The following DOP1A variants were observed in gnomAD, a reference collection of about 807,000 sequenced individuals.
DOP1A encodes the protein protein DOP1A.
In DOP1A, 90 loss-of-function variants were observed where a neutral mutation model predicts 267.6. The observed-to-expected ratio is 0.34, with a 90% CI of 0.28 to 0.40. The LOEUF is 0.40. Among genes scored for constraint, DOP1A ranks in the 10% least tolerant of loss-of-function variants. DOP1A has a pLI of 1.00. For missense variants in DOP1A, 2,437 were observed against 2,900.4 expected, an observed-to-expected ratio of 0.84 and a Z score of 3.67; for synonymous variants, 932 against 999.1, an observed-to-expected ratio of 0.93 and a Z score of 1.27.
At chr6:83,169,241 C>T (rs1360742318), downstream of DOP1A, 1 of 1,613,994 alleles carries the variant, frequency 6.2e-7, no homozygotes. Context: ...TCTTCAGAAA[C>T]CTGGTTGGGG....
intron 27 of DOP1A, among the ~76,000 whole-genome samples, chr6:83,149,313 C>T (rs1781149297): frequency 6.6e-6 from 1 of 152,134 alleles, no homozygotes; most frequent in Non-Finnish European, 1.5e-5. Flanking sequence ...AAATGTTAGT[C>T]ACCTATGACT....
At chr6:83,153,350 T>C in intron 30 of DOP1A, 161 bp from the exon 31 acceptor site, 1 of 462,762 alleles carries the variant, frequency 2.2e-6, no homozygotes, top group Non-Finnish European at 3.7e-6. Context: ...AAAAAGCAGA[T>C]GGTGGCAAAA....
chr6:83,082,617 A>T (rs989986755), intron 1 of DOP1A, among the ~76,000 whole-genome samples: 6 of 152,168 alleles, frequency 3.9e-5, no homozygotes, highest in Non-Finnish European at 7.3e-5. Context: ...GTTAATGATG[A>T]TATGTTCTTG....
At chr6:83,102,911 G>C (rs185066629) in intron 4 of DOP1A, among the ~76,000 whole-genome samples, 124 of 152,226 alleles carry the variant, frequency 8.1e-4, no homozygotes, top group African/African-American at 2.5e-3. Flanking sequence ...CAGGTCCACA[G>C]GTCTCTTTGC....
At chr6:83,109,110 T>C (rs1251819331) in intron 5 of DOP1A, 30 bp downstream of exon 5, 15 of 1,594,572 alleles carry the variant, frequency 9.4e-6, no homozygotes, top group Non-Finnish European at 1.1e-5. Flanking sequence ...AGTTATGTAA[T>C]TGAAGTCATG....
At chr6:83,144,598 G>A (rs1413296891) in intron 24 of DOP1A, among the ~76,000 whole-genome samples, 1 of 152,026 alleles carries the variant, frequency 6.6e-6, no homozygotes, top group Non-Finnish European at 1.5e-5. Context: ...CATTGGATAT[G>A]GATTTAAATA....
intron 3 of DOP1A, among the ~76,000 whole-genome samples, chr6:83,099,744 A>G (rs1269206080): frequency 6.6e-6 from 1 of 151,348 alleles, no homozygotes; most frequent in Non-Finnish European, 1.5e-5. Context: ...ACACGTATAC[A>G]TATATATACA....
intron 4 of DOP1A, among the ~76,000 whole-genome samples, chr6:83,107,834 G>T (rs116961210): frequency 2.0e-5 from 3 of 152,332 alleles, no homozygotes; most frequent in East Asian, 3.9e-4. Flanking sequence ...AGCATAGAAA[G>T]TTCCGAAAGG....
intron 4 of DOP1A, among the ~76,000 whole-genome samples, chr6:83,101,629 T>G (rs1373362463): frequency 6.6e-6 from 1 of 152,196 alleles, no homozygotes; most frequent in Non-Finnish European, 1.5e-5. Context: ...TCTTTCCTCC[T>G]CTACCCAAAC....
intron 5 of DOP1A, among the ~76,000 whole-genome samples, chr6:83,109,708 G>A (rs991757862): frequency 1.3e-5 from 2 of 152,114 alleles, no homozygotes; most frequent in Non-Finnish European, 2.9e-5. Flanking sequence ...ATATTTGTAG[G>A]CAATGCATGA....
At chr6:83,085,227 T>C (rs1298304513) in intron 1 of DOP1A, among the ~76,000 whole-genome samples, 2 of 152,224 alleles carry the variant, frequency 1.3e-5, no homozygotes, top group African/African-American at 4.8e-5. Flanking sequence ...AGTTCATTTA[T>C]TCAGATTATA....
At chr6:83,076,174 A>C (rs1767053000) in intron 1 of DOP1A, among the ~76,000 whole-genome samples, 1 of 152,210 alleles carries the variant, frequency 6.6e-6, no homozygotes, top group South Asian at 2.1e-4. Flanking sequence ...AAATGGGCCA[A>C]GGACTTAAAT....
chr6:83,165,576 A>C (rs1785280779), intron 38 of DOP1A: 1 of 176,352 alleles, frequency 5.7e-6, no homozygotes, highest in Non-Finnish European at 1.2e-5. Context: ...TGTAGCATAA[A>C]AATCCATGCT....
intron 37 of DOP1A, 110 bp downstream of exon 37, chr6:83,160,070 AT>A: frequency 9.8e-7 from 1 of 1,017,108 alleles, no homozygotes; most frequent in Non-Finnish European, 1.4e-6. Context: ...AATATTCCTA[AT>A]TTTTACTAAA....
chr6:83,163,025 C>G (rs1784600532), intron 38 of DOP1A, 106 bp downstream of exon 38: 2 of 1,323,816 alleles, frequency 1.5e-6, no homozygotes, highest in Admixed American at 2.4e-5. Context: ...TCAAGTTGAG[C>G]TATTTTGAAA....
At chr6:83,071,514 C>A (rs534857888) in intron 1 of DOP1A, among the ~76,000 whole-genome samples, 51 of 152,218 alleles carry the variant, frequency 3.4e-4, no homozygotes, top group Admixed American at 1.8e-3. Context: ...GGCCCCTCCT[C>A]ATTTAATTCA....
intron 38 of DOP1A, chr6:83,165,442 A>G (rs534412056): frequency 6.5e-6 from 1 of 152,836 alleles, no homozygotes; most frequent in South Asian, 2.1e-4. Context: ...TGCAAAAGTA[A>G]TTGCTGTTTG....
intron 38 of DOP1A, chr6:83,164,974 G>A (rs2128446430): frequency 5.1e-6 from 2 of 392,340 alleles, no homozygotes; most frequent in South Asian, 4.8e-5. Flanking sequence ...TCTTGGTCAA[G>A]AGCTTAATAA....
Position 83,153,603 on chromosome 6 carries a change from C to G in DOP1A, c.6222C>G (p.Pro2074=), listed in dbSNP as rs1386317473. The change falls in exon 31 of 39, where the codon CCC becomes CCG. Residue 2074 remains proline (P), a synonymous_variant. Coordinates refer to ENST00000349129, the MANE Select transcript of DOP1A (RefSeq NM_015018.4). ...LLVNIMHYVV[P]YLRNHSAHNA... is the part of the protein sequence containing the mutation. ...TAAATATTATGCATTATGTTGTGCC[C>G]TACCTCAGAAATCACAGGTACTATC... 2 of 1,598,338 alleles carry G rather than the reference C, an allele frequency of 1.3e-6. No individual in the cohort carries two copies. Among genetic ancestry groups the G allele is most frequent in the Non-Finnish European group, 1.7e-6 (2 of 1,173,378 alleles).
Sources: gnomAD v4.1 joint callset for allele counts (sites outside exome capture counted in the v4.1 genomes callset) on GRCh38, gnomAD v4.1.1 for gene constraint, MANE v1.5 for transcripts, NCBI Gene and HGNC (gene_info 2026-07-23, HGNC 2026-07-21) for gene names.